Variants in SUMF1 observed in about 807,000 individuals in gnomAD.
SUMF1 encodes the protein formylglycine-generating enzyme.
Under a neutral mutation model 47.6 loss-of-function variants are expected in SUMF1, and 48 were observed. The ratio of observed to expected loss-of-function variants is 1.01; its 90% CI spans 0.80 to 1.28. The LOEUF (loss-of-function observed/expected upper bound fraction) is 1.28, where lower values mean the gene tolerates loss of function less well. Ranked by LOEUF, SUMF1 falls within the 50% of genes most tolerant of loss-of-function variation. SUMF1 has a pLI of 0.00. For missense variants in SUMF1, 571 were observed against 485.4 expected, an observed-to-expected ratio of 1.18 and a Z score of -1.66; for synonymous variants, 230 against 192.1, an observed-to-expected ratio of 1.20 and a Z score of -1.63.
chr3:4,424,129 A>G (rs911601517), intron 3 of SUMF1, among the ~76,000 whole-genome samples: 7 of 152,190 alleles, frequency 4.6e-5, no homozygotes, highest in African/African-American at 1.4e-4. Context: ...GCAATTAGTC[A>G]TCTCATTTTC....
At chr3:4,380,297 T>G (rs1700462733) in intron 7 of SUMF1, among the ~76,000 whole-genome samples, 1 of 152,230 alleles carries the variant, frequency 6.6e-6, no homozygotes. Context: ...AGGCCATTAT[T>G]ATCCTATGTG....
intron 3 of SUMF1, among the ~76,000 whole-genome samples, chr3:4,423,188 A>G (rs1701958899): frequency 6.6e-6 from 1 of 152,162 alleles, no homozygotes; most frequent in South Asian, 2.1e-4. Context: ...ATACTTGCAC[A>G]CACATGTTTA....
intron 8 of SUMF1, among the ~76,000 whole-genome samples, chr3:4,322,462 A>C: frequency 6.6e-6 from 1 of 152,084 alleles, no homozygotes; most frequent in East Asian, 1.9e-4. Context: ...ATGAAAATCT[A>C]AAACTATTCC....
intron 8 of SUMF1, among the ~76,000 whole-genome samples, chr3:4,158,130 C>T (rs544971915): frequency 4.0e-5 from 6 of 151,654 alleles, no homozygotes; most frequent in African/African-American, 1.2e-4. Context: ...ACCAAGAGGC[C>T]ACAAACACAG....
At chr3:4,360,864 A>G (rs569363464), downstream of SUMF1, among the ~76,000 whole-genome samples, 2 of 152,204 alleles carry the variant, frequency 1.3e-5, no homozygotes, top group African/African-American at 2.4e-5. Context: ...CTTTCCCGGC[A>G]TGGGAAGCAA....
chr3:4,272,439 ACAGGCTGTCCATGGC>A (rs1559638741), intron 8 of SUMF1, among the ~76,000 whole-genome samples: 1 of 152,158 alleles, frequency 6.6e-6, no homozygotes, highest in Non-Finnish European at 1.5e-5. Flanking sequence ...GCCGTTGGAT[ACAGGCTGTCCATGGC>A]CCTGGACAAG....
intron 8 of SUMF1, among the ~76,000 whole-genome samples, chr3:4,083,164 T>G (rs1355159960): frequency 1.3e-5 from 2 of 152,178 alleles, no homozygotes; most frequent in African/African-American, 2.4e-5. Flanking sequence ...AGCTGTGTTC[T>G]AACACCTCAC....
At chr3:4,299,467 C>T (rs1192083073) in intron 8 of SUMF1, among the ~76,000 whole-genome samples, 3 of 152,224 alleles carry the variant, frequency 2.0e-5, no homozygotes, top group Non-Finnish European at 2.9e-5. Flanking sequence ...GTAGATGTTT[C>T]AAGTACCATA....
chr3:4,349,341 C>G (rs1212027149), intron 8 of SUMF1, among the ~76,000 whole-genome samples: 1 of 152,148 alleles, frequency 6.6e-6, no homozygotes, highest in Non-Finnish European at 1.5e-5. Context: ...ACAATAGAGG[C>G]TAGTGAGGCT....
intron 8 of SUMF1, among the ~76,000 whole-genome samples, chr3:4,165,532 T>C (rs1261724429): frequency 1.3e-5 from 2 of 152,034 alleles, no homozygotes; most frequent in Non-Finnish European, 2.9e-5. Flanking sequence ...GGATGTAGAT[T>C]GCAAACTTTG....
At chr3:4,247,592 G>C (rs143330335) in intron 8 of SUMF1, among the ~76,000 whole-genome samples, 3 of 152,030 alleles carry the variant, frequency 2.0e-5, no homozygotes, top group Non-Finnish European at 4.4e-5. Flanking sequence ...GTGCTAGCGG[G>C]GGAAGAAGAC....
intron 8 of SUMF1, among the ~76,000 whole-genome samples, chr3:4,367,544 A>G (rs541460501): frequency 5.3e-5 from 8 of 151,946 alleles, no homozygotes; most frequent in South Asian, 4.2e-4. Context: ...CCTAAGCCAA[A>G]AGAACAAAGC....
At chr3:4,079,328 T>G (rs1198944935) in intron 8 of SUMF1, among the ~76,000 whole-genome samples, 1 of 152,134 alleles carries the variant, frequency 6.6e-6, no homozygotes, top group Non-Finnish European at 1.5e-5. Context: ...TAAAAAGGTT[T>G]ACCTCACATG....
intron 8 of SUMF1, among the ~76,000 whole-genome samples, chr3:4,373,764 T>A (rs1700239461): frequency 6.6e-6 from 1 of 151,258 alleles, no homozygotes; most frequent in African/African-American, 2.4e-5. Flanking sequence ...AAACACAGAA[T>A]AAACTAGATT....
At position 4,412,512 on chromosome 3, in the gene SUMF1, G is replaced by GGA. The variant is rs548620673; in HGVS notation, c.841-1536_841-1535dup. 2.6e-4 allele frequency among the ~76,000 whole-genome samples: 39 copies of GGA among 152,276 alleles called. No individual in the cohort carries two copies. The East Asian group carries it at 5.8e-3, about 23-fold the overall frequency. On this transcript the variant is annotated intron_variant, in intron 6 of 8. Coordinates refer to ENST00000272902, the MANE Select transcript of SUMF1 (RefSeq NM_182760.4). ...AAAGAGCATGGTAGAGTAATAGCTG[G>GGA]GAGAGGTAGGAAGGAAAAGAAGAAA...
chr3:4,337,184 TCCCTCCC>T (rs1315491857), intron 8 of SUMF1, among the ~76,000 whole-genome samples: 42 of 8,548 alleles, frequency 4.9e-3, no homozygotes, highest in African/African-American at 0.039. Flanking sequence ...CTCTTTTCTG[TCCCTCCC>T]TCCCTCCCTC....
intron 8 of SUMF1, among the ~76,000 whole-genome samples, chr3:4,143,822 C>T (rs915781524): frequency 2.6e-5 from 4 of 152,062 alleles, no homozygotes; most frequent in African/African-American, 9.7e-5. Flanking sequence ...ACAGTTGCAG[C>T]ATCTGGGAGC....
intron 8 of SUMF1, among the ~76,000 whole-genome samples, chr3:4,075,378 A>G (rs888662312): frequency 6.6e-5 from 10 of 152,146 alleles, no homozygotes; most frequent in African/African-American, 1.9e-4. Context: ...CCCACAGACA[A>G]TATCACACCA....
chr3:4,097,813 T>C (rs1390395627), intron 8 of SUMF1, among the ~76,000 whole-genome samples: 1 of 152,064 alleles, frequency 6.6e-6, no homozygotes, highest in Non-Finnish European at 1.5e-5. Flanking sequence ...CTTTCTTACA[T>C]CCAGCAGTCC....
Sources: gnomAD v4.1 joint callset for allele counts (sites outside exome capture counted in the v4.1 genomes callset) on GRCh38, gnomAD v4.1.1 for gene constraint, MANE v1.5 for transcripts, NCBI Gene and HGNC (gene_info 2026-07-23, HGNC 2026-07-21) for gene names.